Variants in CD300LG observed in about 807,000 individuals in gnomAD.
CD300LG encodes CD300 molecule like family member g, also known as CMRF35-like molecule 9.
A neutral mutation model predicts 31.5 loss-of-function variants in CD300LG; 29 were observed. That is an observed-to-expected ratio of 0.92 (90% confidence interval 0.68 to 1.25). The LOEUF (loss-of-function observed/expected upper bound fraction) is 1.25. Among genes scored for constraint, CD300LG ranks in the 50% most tolerant of loss-of-function variants. The pLI is 0.00. For missense variants in CD300LG, 396 were observed against 417.6 expected, an observed-to-expected ratio of 0.95 and a Z score of 0.45; for synonymous variants, 175 against 177.2, an observed-to-expected ratio of 0.99 and a Z score of 0.10.
intron 6 of CD300LG, chr17:43,858,021 A>C (rs1464573296): frequency 2.7e-6 from 4 of 1,454,866 alleles, no homozygotes; most frequent in Non-Finnish European, 3.6e-6. Flanking sequence ...CACTTCAGGC[A>C]ACAGAAGCCC....
intron 6 of CD300LG, chr17:43,858,070 CTCCACTCCAT>C: frequency 7.0e-7 from 1 of 1,421,038 alleles, no homozygotes; most frequent in Non-Finnish European, 9.2e-7. Flanking sequence ...ACTGAGATGC[CTCCACTCCAT>C]TCCTTTAAAC....
intron 1 of CD300LG, among the ~76,000 whole-genome samples, chr17:43,848,243 A>AAAACAAAC (rs71361549): frequency 5.9e-5 from 9 of 151,888 alleles, no homozygotes; most frequent in African/African-American, 2.2e-4. Context: ...CTCCATCTCA[A>AAAACAAAC]AAACAAACAA....
In CD300LG at chr17:43,852,963, C is replaced by G. The variant is rs1035057740; in HGVS notation, c.431C>G (p.Thr144Arg). Residue 144 changes from threonine to arginine, a missense_variant, in exon 3 of 7, where the codon ACA becomes AGA. Transcript: ENST00000317310. ...CCCACCTTCCAGCCTCTGGCTACAA[C>G]ACGCCTGCAGCCCAAGGCAAAAGCT... ...PSPTFQPLATTRLQPKAKAQQ... is the reference protein window; with the variant it reads ...PSPTFQPLATRRLQPKAKAQQ... The G allele has an allele frequency of 7.4e-6, 12 of 1,612,798 alleles. No homozygotes were observed. The East Asian group carries it at 1.3e-4, about 18-fold the overall frequency.
In CD300LG at chr17:43,848,857, G is replaced by A. The variant is rs778809970; in HGVS notation, c.343G>A (p.Asp115Asn). 20 of 1,613,978 alleles carry A rather than the reference G, an allele frequency of 1.2e-5. No individual in the cohort carries two copies. The highest frequency in any genetic ancestry group is 1.3e-5 in the Non-Finnish European group (15 of 1,179,972). The stretch of plus-strand genomic sequence containing the variant: ...GTGTGGGGTCGAAAAACGGGGCCCC[G>A]ATGAGTCTTTACTGATCTCTCTGTT... ...YWCGVEKRGP[D>N]ESLLISLFVF... is the part of the protein sequence containing the mutation. Residue 115 changes from aspartate to asparagine, a missense_variant, in exon 2 of 7, where the codon GAT (aspartate) becomes AAT (asparagine). Physicochemically the swap from Asp to Asn is conservative, Grantham distance 23. Transcript: ENST00000317310.
intron 6 of CD300LG, chr17:43,857,610 T>C: frequency 8.6e-7 from 1 of 1,158,266 alleles, no homozygotes; most frequent in Non-Finnish European, 1.2e-6. Flanking sequence ...CAGACCCAGC[T>C]GAACCCTCCA....
In CD300LG at chr17:43,862,043, C is replaced by A. The variant is rs570742282; in HGVS notation, c.*132C>A. The A allele has an allele frequency of 1.5e-5, 9 of 582,996 alleles. No homozygotes were observed. In the South Asian group the frequency reaches 2.1e-4, roughly 14 times the overall value. 36.1% of individuals were successfully genotyped at this position (582,996 alleles called of 1,614,324 possible). ...ACTCCAGGGCTCTCCCCACCCTCCC[C>A]AGGCTCTCCTCTTGCATGTTCCAGC... On this transcript the variant is annotated 3_prime_UTR_variant, in exon 7 of 7. Transcript: ENST00000317310.
In CD300LG at chr17:43,852,886, G is replaced by C. The variant is rs773787299; in HGVS notation, c.380-26G>C. 3 of 1,582,928 alleles carry C rather than the reference G, an allele frequency of 1.9e-6. No homozygotes were observed. The South Asian group carries it at 3.4e-5, about 18-fold the overall frequency. ...AGGGGTTCAGAGCGGTGCCACCCCT[G>C]AGAGCAGCCTTTCCCTTTCCTCTAG... On this transcript the variant is annotated intron_variant, in intron 2 of 6. Coordinates refer to ENST00000317310, the MANE Select transcript of CD300LG (RefSeq NM_145273.4).
rs147733487 is a variant in CD300LG, at chr17:43,849,063, T to C, written c.379+170T>C. 346 of 634,792 alleles carry C rather than the reference T, an allele frequency of 5.5e-4. 2 individuals are homozygous for C. Among genetic ancestry groups the C allele is most frequent in the Admixed American group, 1.3e-3 (46 of 34,316 alleles). 39.3% of individuals were successfully genotyped at this position (634,792 alleles called of 1,614,324 possible). A position where few individuals can be genotyped will look rare whatever the true frequency, so the allele number is the denominator to read the frequency against. On this transcript the variant is annotated intron_variant, in intron 2 of 6. Coordinates refer to ENST00000317310, the MANE Select transcript of CD300LG (RefSeq NM_145273.4). ...GGGCACAGAAGGAGCCGCCTGAGTC[T>C]TGGCCATTGTCTCACTCTTGCTGCC... is the stretch of plus-strand genomic sequence containing the variant.
At position 43,848,726 on chromosome 17, in the gene CD300LG, G is replaced by T. The variant is rs140028124; in HGVS notation, c.212G>T (p.Gly71Val). 11 of 1,613,970 alleles carry T rather than the reference G, an allele frequency of 6.8e-6. No homozygotes were observed. In the Admixed American group the frequency reaches 1.5e-4, roughly 22 times the overall value. The change falls in exon 2 of 7, where the codon GGC becomes GTC. Residue 71 changes from glycine (G) to valine (V), a missense_variant. Transcript: ENST00000317310. ...GGCACCATCTATGCAGAAGAAGAAG[G>T]CCAGGAGACAATGAAGGGCAGGGTG... ...CSGTIYAEEEGQETMKGRVSI... is the reference protein window; with the variant it reads ...CSGTIYAEEEVQETMKGRVSI...
At chr17:43,860,994 A>G in intron 6 of CD300LG, 1 of 511,814 alleles carries the variant, frequency 2.0e-6, no homozygotes, top group Non-Finnish European at 2.5e-6. Context: ...GGCATCCAGG[A>G]GCTTAGTATT....
rs933432177 is a variant in CD300LG, at chr17:43,861,857, T to C, written c.945T>C (p.Pro315=). 3.7e-6 allele frequency: 6 copies of C among 1,612,256 alleles called. No individual in the cohort carries two copies. Among genetic ancestry groups the C allele is most frequent in the African/African-American group, 1.3e-5 (1 of 74,788 alleles). Residue 315 remains proline, a synonymous_variant, in exon 7 of 7, where the codon CCT becomes CCC. Transcript: ENST00000317310. ...CTGAGGGGGACGTGATCTCGATGCC[T>C]CCCCTCCACACATCTGAGGAGGAGC... is the stretch of plus-strand genomic sequence containing the variant. ...QAPEGDVISM[P]PLHTSEEELG...
intron 5 of CD300LG, 43 bp downstream of exon 5, chr17:43,855,362 C>A: frequency 8.0e-7 from 1 of 1,248,804 alleles, no homozygotes; most frequent in South Asian, 1.5e-5. Context: ...GCTCACTGGG[C>A]CAGGGACCTC....
At chr17:43,858,237 A>C in intron 6 of CD300LG, 1 of 1,081,100 alleles carries the variant, frequency 9.2e-7, no homozygotes, top group Non-Finnish European at 1.1e-6. Context: ...TTGTCTCAGG[A>C]AGCTCAACAG....
At chr17:43,858,178 T>G in intron 6 of CD300LG, 1 of 1,186,292 alleles carries the variant, frequency 8.4e-7, no homozygotes, top group Non-Finnish European at 1.1e-6. Flanking sequence ...CCAAGGAGGG[T>G]CTGGGGTGGA....
chr17:43,848,712 T>TGCTCTG lies in CD300LG; in HGVS notation c.200_201insTCTGGC (p.Ala67_Glu68insLeuAla). On this transcript the variant is annotated inframe_insertion, in exon 2 of 7. Transcript: ENST00000317310. The stretch of plus-strand genomic sequence containing the variant: ...TCTCTCGCTGCTCTGGCACCATCTA[T>TGCTCTG]GCAGAAGAAGAAGGCCAGGAGACAA... 1 of 1,614,062 alleles carries TGCTCTG rather than the reference T, an allele frequency of 6.2e-7. No individual in the cohort carries two copies. The highest frequency in any genetic ancestry group is 1.1e-5 in the South Asian group (1 of 91,078).
intron 6 of CD300LG, chr17:43,861,241 G>A: frequency 1.0e-6 from 1 of 985,426 alleles, no homozygotes; most frequent in Non-Finnish European, 1.2e-6. Flanking sequence ...CAGAGATCCA[G>A]TATCTAAGCC....
Position 43,862,006 on chromosome 17 carries a change from C to A in CD300LG, c.*95C>A. 1 of 843,012 alleles carries A rather than the reference C, an allele frequency of 1.2e-6. No individual in the cohort carries two copies. Among genetic ancestry groups the A allele is most frequent in the Non-Finnish European group, 1.8e-6 (1 of 567,464 alleles). 52.2% of individuals were successfully genotyped at this position (843,012 alleles called of 1,614,324 possible). A position where few individuals can be genotyped will look rare whatever the true frequency, so the allele number is the denominator to read the frequency against. On this transcript the variant is annotated 3_prime_UTR_variant, in exon 7 of 7. Coordinates refer to ENST00000317310, the MANE Select transcript of CD300LG (RefSeq NM_145273.4). ...AAGCTTTCCACCTCAGCCTCAGAGT[C>A]CAGCTGCCCGGACTCCAGGGCTCTC... is the stretch of plus-strand genomic sequence containing the variant.
At chr17:43,851,133 CAAAAA>C (rs777282117) in intron 2 of CD300LG, among the ~76,000 whole-genome samples, 2 of 40,616 alleles carry the variant, frequency 4.9e-5, no homozygotes, top group South Asian at 8.9e-4. Context: ...GACTCAGTCT[CAAAAA>C]AAAAAAAAAA....
chr17:43,857,220 T>C, intron 6 of CD300LG, 64 bp downstream of exon 6: 3 of 1,589,430 alleles, frequency 1.9e-6, no homozygotes, highest in South Asian at 1.1e-5. Flanking sequence ...TCAAGATTCC[T>C]GGGCTTTGCC....
Sources: gnomAD v4.1 joint callset for allele counts (sites outside exome capture counted in the v4.1 genomes callset) on GRCh38, gnomAD v4.1.1 for gene constraint, MANE v1.5 for transcripts, NCBI Gene and HGNC (gene_info 2026-07-23, HGNC 2026-07-21) for gene names.